The following LCTL variants were observed in gnomAD, a reference collection of about 807,000 sequenced individuals.
The protein encoded by LCTL is lactase-like protein.
In LCTL, 76 loss-of-function variants were observed where a neutral mutation model predicts 75.8. The observed-to-expected ratio is 1.00, with a 90% CI of 0.83 to 1.21. The LOEUF is 1.21. Ranked by LOEUF, LCTL falls within the 50% of genes most tolerant of loss-of-function variation. LCTL has a pLI of 0.00. For synonymous variants in LCTL, 271 were observed against 268.8 expected (o/e 1.01, Z -0.08); for missense variants, 670 against 712.4 (o/e 0.94, Z 0.68).
At chr15:66,553,004 T>C (rs753426074) in exon 9 of LCTL, 1 of 1,470,032 alleles carries the variant, frequency 6.8e-7, no homozygotes, top group Non-Finnish European at 9.0e-7. Flanking sequence ...TTAAGGAGCC[T>C]CCTAAATCCC....
At chr15:66,552,799 T>C (rs1007197815) in intron 9 of LCTL, among the ~76,000 whole-genome samples, 185 bp downstream of exon 10, 1 of 152,180 alleles carries the variant, frequency 6.6e-6, no homozygotes, top group Non-Finnish European at 1.5e-5. Context: ...GCTAAAGTTA[T>C]ATACATGCAA....
At chr15:66,552,302 A>G (rs1895626909) in intron 9 of LCTL, 133 bp from the exon 11 acceptor site, 3 of 646,876 alleles carry the variant, frequency 4.6e-6, no homozygotes, top group Non-Finnish European at 7.9e-6. Flanking sequence ...CATTTAGTAG[A>G]TGTCAGATAA....
At position 66,558,043 on chromosome 15, in the gene LCTL, G is replaced by A. The variant is rs376811517; in HGVS notation, c.706-7C>T. 22 of 1,598,492 alleles carry A rather than the reference G, an allele frequency of 1.4e-5. No homozygotes were observed. Among genetic ancestry groups the A allele is most frequent in the Admixed American group, 1.7e-5 (1 of 58,508 alleles). On this transcript the variant is annotated splice_polypyrimidine_tract_variant and splice_region_variant and intron_variant, in intron 6 of 12. Coordinates refer to ENST00000341509, the Ensembl canonical transcript of LCTL. Reference sequence around the variant, plus strand: ...GCCAGGCTTTGGCGTGGGCCTGAAAGGGGAGCAGAAATTCATCGTAGGTAC... The same window carrying A: ...GCCAGGCTTTGGCGTGGGCCTGAAAAGGGAGCAGAAATTCATCGTAGGTAC...
chr15:66,556,819 C>T (rs893577507), intron 8 of LCTL, among the ~76,000 whole-genome samples: 7 of 151,984 alleles, frequency 4.6e-5, no homozygotes, highest in Non-Finnish European at 7.4e-5. Context: ...CAAGATGAAG[C>T]GTTCTGGAGA....
chr15:66,548,365 A>G, exon 13 of LCTL: 1 of 487,242 alleles, frequency 2.1e-6, no homozygotes. Flanking sequence ...AGCCAAAAAG[A>G]GAAAGAGAAA....
chr15:66,561,221 C>T lies in LCTL; in HGVS notation c.575G>A (p.Arg192His), dbSNP rs766252084. 40 of 1,614,114 alleles carry T rather than the reference C, an allele frequency of 2.5e-5. No homozygotes were observed. Among genetic ancestry groups the T allele is most frequent in the South Asian group, 2.3e-4 (21 of 91,092 alleles). ...ACTGAACGTGATCCAGTGCTTCACA[C>T]GGTCCCCAAAGGCCTCAAAGCACAG... Residue 192 changes from arginine to histidine, a missense_variant, in exon 5 of 13, where the codon CGT becomes CAT. By Grantham distance (29) the Arg-to-His change is conservative. Transcript: ENST00000341509.
At chr15:66,563,660 G>C in intron 3 of LCTL, 35 bp from the exon 5 acceptor site, 1 of 1,503,108 alleles carries the variant, frequency 6.7e-7, no homozygotes, top group Non-Finnish European at 9.2e-7. Flanking sequence ...CTACCAGAAA[G>C]GACCTCGGCC....
intron 6 of LCTL, among the ~76,000 whole-genome samples, chr15:66,560,629 C>T (rs1895862946): frequency 6.6e-6 from 1 of 152,186 alleles, no homozygotes; most frequent in South Asian, 2.1e-4. Flanking sequence ...CTGATGACCA[C>T]TTCTAACTCC....
chr15:66,554,874 A>G (rs905796445), intron 8 of LCTL, among the ~76,000 whole-genome samples: 1 of 152,186 alleles, frequency 6.6e-6, no homozygotes, highest in African/African-American at 2.4e-5. Context: ...CCACATGCAC[A>G]ATCCATCTCT....
At chr15:66,561,134 A>G (rs1895876582) in intron 5 of LCTL, 33 bp from the exon 7 acceptor site, 4 of 1,614,190 alleles carry the variant, frequency 2.5e-6, no homozygotes, top group African/African-American at 2.7e-5. Flanking sequence ...CACAGGATCC[A>G]TAAGAAGTGG....
At chr15:66,562,367 C>T (rs1895911142) in intron 4 of LCTL, among the ~76,000 whole-genome samples, 1 of 149,732 alleles carries the variant, frequency 6.7e-6, no homozygotes, top group Non-Finnish European at 1.5e-5. Context: ...CATGCCACTG[C>T]ACTCCAGCCT....
At position 66,551,837 on chromosome 15, in the gene LCTL, TTTATA is replaced by T; in HGVS notation, c.1344_1348del (p.Asn448LysfsTer11). On this transcript the variant is annotated frameshift_variant, in exon 11 of 13. Transcript: ENST00000341509. LOFTEE classifies it high-confidence loss of function. The stretch of plus-strand genomic sequence containing the variant: ...CAACAGAGACCAGGAAGTATACCCC[TTTATA>T]TTAGCACCATCTTTTATAGCTGCAA... 6.2e-7 allele frequency: 1 copy of T among 1,613,238 alleles called. No individual in the cohort carries two copies. The highest frequency in any genetic ancestry group is 8.5e-7 in the Non-Finnish European group (1 of 1,179,456).
At chr15:66,562,588 C>CTTT (rs34408899) in intron 4 of LCTL, among the ~76,000 whole-genome samples, 15 of 142,654 alleles carry the variant, frequency 1.1e-4, no homozygotes, top group Non-Finnish European at 1.5e-4. Flanking sequence ...GTCGCCAGAT[C>CTTT]TTTTTTTTTT....
intron 8 of LCTL, among the ~76,000 whole-genome samples, chr15:66,556,147 A>C (rs541495773): frequency 2.4e-4 from 37 of 152,208 alleles, no homozygotes; most frequent in Non-Finnish European, 4.7e-4. Flanking sequence ...CAGCAATTCT[A>C]CTTCTGGGTA....
chr15:66,547,712 C>G (rs1227305084), exon 13 of LCTL: 1 of 152,114 alleles, frequency 6.6e-6, no homozygotes, highest in African/African-American at 2.4e-5. Flanking sequence ...TGCTCATTTA[C>G]TTGGTACCCA....
intron 2 of LCTL, chr15:66,564,384 C>T: frequency 2.1e-6 from 1 of 476,568 alleles, no homozygotes; most frequent in East Asian, 3.8e-5. Context: ...GGCCCTGAGG[C>T]TGTGGGATCA....
At chr15:66,564,504 C>G (rs1422588781) in intron 2 of LCTL, 172 bp downstream of exon 3, 15 of 710,818 alleles carry the variant, frequency 2.1e-5, no homozygotes, top group Admixed American at 3.0e-5. Flanking sequence ...ACCTTCACCC[C>G]CACTGGCCCT....
chr15:66,556,890 A>C (rs542575303), intron 8 of LCTL, among the ~76,000 whole-genome samples: 16 of 152,188 alleles, frequency 1.1e-4, no homozygotes, highest in Non-Finnish European at 1.3e-4. Flanking sequence ...TGTACACTTA[A>C]AAATGGCAAC....
rs1377420735 is a variant in LCTL, at chr15:66,551,713, A to G, written c.1473T>C (p.Val491=). 1.9e-6 allele frequency: 3 copies of G among 1,614,114 alleles called. No individual in the cohort carries two copies. In the South Asian group the frequency reaches 3.3e-5, roughly 18 times the overall value. Residue 491 remains valine (V), a synonymous_variant, in exon 11 of 13, where the codon GTT becomes GTC. Coordinates refer to ENST00000341509, the Ensembl canonical transcript of LCTL. ...CAATGATAATCTTCTTGTAATATTG[A>G]ACTGAAGCCTTTGGATAGCGAGGCT...
Sources: allele counts gnomAD v4.1 joint callset (sites outside exome capture counted in the v4.1 genomes callset), GRCh38; gene constraint gnomAD v4.1.1; transcripts MANE v1.5; gene names NCBI Gene and HGNC (gene_info 2026-07-23, HGNC 2026-07-21).